C6orf89: variants seen among roughly 807,000 people sequenced by gnomAD.
C6orf89 encodes chromosome 6 open reading frame 89, also known as bombesin receptor-activated protein C6orf89.
In C6orf89, 29 loss-of-function variants were observed where a neutral mutation model predicts 40.7. The ratio of observed to expected loss-of-function variants is 0.71; its 90% CI spans 0.53 to 0.97. C6orf89 has a LOEUF of 0.97. Ranked by LOEUF, C6orf89 falls within the 50% of genes least tolerant of loss-of-function variation. The pLI is 0.00. For missense variants in C6orf89, 392 were observed against 429.1 expected, an observed-to-expected ratio of 0.91 and a Z score of 0.76; for synonymous variants, 165 against 152.2, an observed-to-expected ratio of 1.08 and a Z score of -0.62.
At chr6:36,872,634 G>T (rs898987233) in intron 1 of C6orf89, among the ~76,000 whole-genome samples, 21 of 151,586 alleles carry the variant, frequency 1.4e-4, no homozygotes, top group Non-Finnish European at 2.9e-4. Flanking sequence ...TTTGAGAAAG[G>T]GTCTCCTCTG....
In C6orf89 at chr6:36,918,189, A is replaced by G. The variant is rs376299701; in HGVS notation, c.826-1389A>G. 2.6e-5 allele frequency among the ~76,000 whole-genome samples: 4 copies of G among 152,320 alleles called. No individual in the cohort carries two copies. The East Asian group carries it at 5.8e-4, about 22-fold the overall frequency. ...GGTTGTTAAGTGGCACTCGGGGAGA[A>G]GGTGAGGGCCTCCAAGGCCCACTTC... On this transcript the variant is annotated intron_variant, in intron 7 of 8. Transcript: ENST00000480824.
intron 4 of C6orf89, among the ~76,000 whole-genome samples, chr6:36,910,576 A>G (rs1291889851): frequency 1.3e-5 from 2 of 152,126 alleles, no homozygotes; most frequent in Non-Finnish European, 2.9e-5. Flanking sequence ...AAAAATACAA[A>G]AATTAGCTGG....
Position 36,885,991 on chromosome 6 carries a change from C to A in C6orf89, c.-157C>A. On this transcript the variant is annotated 5_prime_UTR_variant, in exon 1 of 9. Coordinates refer to ENST00000480824, the MANE Select transcript of C6orf89 (RefSeq NM_001286635.2). ...CCTCCTCGCCCGGCGGCAGCTGTCC[C>A]CGAGGCGGGAGGAGCCCGAGGGGCG... is the stretch of plus-strand genomic sequence containing the variant. The A allele has an allele frequency of 8.4e-7, 1 of 1,189,486 alleles. No homozygotes were observed. Among genetic ancestry groups the A allele is most frequent in the Admixed American group, 6.4e-5 (1 of 15,534 alleles). 73.7% of individuals were successfully genotyped at this position (1,189,486 alleles called of 1,614,324 possible).
At chr6:36,915,705 CAA>C (rs1374837732) in intron 6 of C6orf89, among the ~76,000 whole-genome samples, 3 of 119,642 alleles carry the variant, frequency 2.5e-5, no homozygotes. Flanking sequence ...GACCCTGTTT[CAA>C]AAAAAAAAAA....
exon 1 of C6orf89, chr6:36,871,910 A>G: frequency 6.5e-7 from 1 of 1,526,812 alleles, no homozygotes. Flanking sequence ...GTAAACAAAA[A>G]GGTCAGGGCA....
In C6orf89 at chr6:36,885,961, C is replaced by A; in HGVS notation, c.-187C>A. On this transcript the variant is annotated 5_prime_UTR_variant, in exon 1 of 9. Transcript: ENST00000480824. Reference sequence around the variant, plus strand: ...TCGCGCTCCCGGAAACAGGAAGTTGCCCATCCTCCTCGCCCGGCGGCAGCT... The same window carrying A: ...TCGCGCTCCCGGAAACAGGAAGTTGACCATCCTCCTCGCCCGGCGGCAGCT... 1 of 1,267,706 alleles carries A rather than the reference C, an allele frequency of 7.9e-7. No homozygotes were observed. Among genetic ancestry groups the A allele is most frequent in the South Asian group, 2.6e-5 (1 of 38,344 alleles). 78.5% of individuals were successfully genotyped at this position (1,267,706 alleles called of 1,614,324 possible). A position where few individuals can be genotyped will look rare whatever the true frequency, so the allele number is the denominator to read the frequency against.
intron 2 of C6orf89, among the ~76,000 whole-genome samples, chr6:36,880,104 T>C (rs1467949850): frequency 6.6e-6 from 1 of 152,188 alleles, no homozygotes; most frequent in Non-Finnish European, 1.5e-5. Context: ...TTTTCCTTCC[T>C]CGAGCACCTA....
intron 1 of C6orf89, among the ~76,000 whole-genome samples, chr6:36,874,371 G>T (rs1346209001): frequency 6.6e-6 from 1 of 152,182 alleles, no homozygotes; most frequent in South Asian, 2.1e-4. Flanking sequence ...TAAAGGCAGG[G>T]CTGTCTGTGT....
Position 36,902,213 on chromosome 6 carries a change from C to A in C6orf89, c.190-8C>A. The A allele has an allele frequency of 6.2e-7, 1 of 1,612,908 alleles. No homozygotes were observed. Among genetic ancestry groups the A allele is most frequent in the South Asian group, 1.1e-5 (1 of 91,044 alleles). ...TGGGATTAATGCCTTTTCTATCTTTCCTTGTAGGTTCTCGCAACCTTGGGA... is the reference window on the plus strand; with the variant it reads ...TGGGATTAATGCCTTTTCTATCTTTACTTGTAGGTTCTCGCAACCTTGGGA... On this transcript the variant is annotated splice_polypyrimidine_tract_variant and splice_region_variant and intron_variant, in intron 3 of 8. Coordinates refer to ENST00000480824, the MANE Select transcript of C6orf89 (RefSeq NM_001286635.2).
chr6:36,877,483 A>T (rs1267683744), intron 1 of C6orf89, among the ~76,000 whole-genome samples: 1 of 152,176 alleles, frequency 6.6e-6, no homozygotes, highest in Non-Finnish European at 1.5e-5. Context: ...GGCGCATGCC[A>T]CCACACCCAG....
At chr6:36,914,143 G>C (rs909540099) in intron 4 of C6orf89, 141 bp from the exon 5 acceptor site, 1 of 808,682 alleles carries the variant, frequency 1.2e-6, no homozygotes, top group Non-Finnish European at 1.9e-6. Flanking sequence ...CTGGGCGACA[G>C]AGTGAGACTC....
chr6:36,884,999 T>C (rs1268864863), upstream of C6orf89, among the ~76,000 whole-genome samples: 2 of 152,128 alleles, frequency 1.3e-5, no homozygotes, highest in East Asian at 3.8e-4. The surrounding 1 kb of genome is among the most constrained non-coding windows in gnomAD (Gnocchi z 4.0). Context: ...ACAGCGATAA[T>C]AACATCAATG....
Position 36,902,262 on chromosome 6 carries a change from T to G in C6orf89, c.231T>G (p.Phe77Leu). The G allele has an allele frequency of 6.2e-7, 1 of 1,614,196 alleles. No homozygotes were observed. Among genetic ancestry groups the G allele is most frequent in the Non-Finnish European group, 8.5e-7 (1 of 1,180,038 alleles). Residue 77 changes from phenylalanine to leucine, a missense_variant, in exon 4 of 9, where the codon TTT becomes TTG. Transcript: ENST00000480824. ...GATTAATCTTGCTCACTGCCTACTT[T>G]GTGATTCAACCTTTCAGCCCATTAG... ...TLGLILLTAY[F>L]VIQPFSPLAP...
intron 8 of C6orf89, among the ~76,000 whole-genome samples, chr6:36,922,724 G>A (rs558652313): frequency 6.6e-6 from 1 of 152,342 alleles, no homozygotes; most frequent in Admixed American, 6.5e-5. Context: ...ACTACTGTTT[G>A]CCAAACCCAA....
intron 2 of C6orf89, among the ~76,000 whole-genome samples, chr6:36,897,147 A>G (rs10456447): frequency 0.081 from 11,987 of 148,340 alleles, 651 homozygotes; most frequent in Non-Finnish European, 0.11. Flanking sequence ...AAAAAAAAAA[A>G]AAAAGAAAAG....
rs969345741 is a variant in C6orf89, at chr6:36,927,225, T to A, written c.*3784T>A. ...CAATTCTTGGTTTTCTGTTCCCTTCTACCAAAACCCAGCATAGGACTCAGT... is the reference window on the plus strand; with the variant it reads ...CAATTCTTGGTTTTCTGTTCCCTTCAACCAAAACCCAGCATAGGACTCAGT... On this transcript the variant is annotated 3_prime_UTR_variant, in exon 9 of 9. Coordinates refer to ENST00000480824, the MANE Select transcript of C6orf89 (RefSeq NM_001286635.2). 1.3e-5 allele frequency: 2 copies of A among 152,268 alleles called. No homozygotes were observed. Among genetic ancestry groups the A allele is most frequent in the Non-Finnish European group, 2.9e-5 (2 of 68,056 alleles). The allele number at this position is 152,268 out of a possible 1,614,324, so 9.4% of individuals were successfully genotyped here.
chr6:36,911,227 C>T (rs537653338), intron 4 of C6orf89, among the ~76,000 whole-genome samples: 8 of 152,168 alleles, frequency 5.3e-5, no homozygotes, highest in East Asian at 3.8e-4. Flanking sequence ...CAGTGGCTCA[C>T]GCCTGTAATC....
rs574734274 is a variant in C6orf89 at position 36,917,257 on chromosome 6, G to T, written c.825+683G>T. On this transcript the variant is annotated intron_variant, in intron 7 of 8. Coordinates refer to ENST00000480824, the MANE Select transcript of C6orf89 (RefSeq NM_001286635.2). The stretch of plus-strand genomic sequence containing the variant: ...GTAGAGAACTTGAAAGGCAAAAAGT[G>T]TGGGAGCCTGGGAAGGATTTGATAG... Among the ~76,000 whole-genome samples the T allele has an allele frequency of 5.3e-5, 8 of 152,300 alleles. No individual in the cohort carries two copies. The East Asian group carries it at 1.5e-3, about 29-fold the overall frequency.
intron 2 of C6orf89, among the ~76,000 whole-genome samples, chr6:36,896,810 A>C (rs1361668033): frequency 6.6e-6 from 1 of 152,102 alleles, no homozygotes; most frequent in Non-Finnish European, 1.5e-5. Context: ...TATTTGATCC[A>C]TTTTGAGTTA....
Sources: gnomAD v4.1 joint callset for allele counts (sites outside exome capture counted in the v4.1 genomes callset) on GRCh38, gnomAD v4.1.1 for gene constraint, Gnocchi (gnomAD v3.1) non-coding constraint, MANE v1.5 for transcripts, NCBI Gene and HGNC (gene_info 2026-07-23, HGNC 2026-07-21) for gene names.